Variants in AFG3L2 observed in about 807,000 individuals in gnomAD.
The protein encoded by AFG3L2 is AFG3 like matrix AAA peptidase subunit 2.
In AFG3L2, 54 loss-of-function variants were observed where a neutral mutation model predicts 94.5. The ratio of observed to expected loss-of-function variants is 0.57; its 90% CI spans 0.46 to 0.72. AFG3L2 has a LOEUF of 0.72. AFG3L2 is among the 30% of genes least tolerant of loss of function. The probability of loss-of-function intolerance (pLI) is 0.00; values close to 1 mark genes in which losing one functional copy is unlikely to be tolerated. For synonymous variants in AFG3L2, 377 were observed against 365.5 expected (o/e 1.03, Z -0.36); for missense variants, 754 against 994.9 (o/e 0.76, Z 3.26).
At chr18:12,357,874 C>T (rs1041773317) in intron 8 of AFG3L2, among the ~76,000 whole-genome samples, 2 of 152,180 alleles carry the variant, frequency 1.3e-5, no homozygotes, top group African/African-American at 4.8e-5. Flanking sequence ...GCTGGGATTA[C>T]AGGAGTGAGC....
intron 13 of AFG3L2, among the ~76,000 whole-genome samples, chr18:12,344,537 C>T (rs1230483732): frequency 1.3e-5 from 2 of 151,858 alleles, no homozygotes; most frequent in East Asian, 3.9e-4. Flanking sequence ...AGCCAGGCGT[C>T]GTGGTGAGCG....
At chr18:12,354,536 C>T (rs1908429957) in intron 9 of AFG3L2, among the ~76,000 whole-genome samples, 1 of 152,212 alleles carries the variant, frequency 6.6e-6, no homozygotes, top group Non-Finnish European at 1.5e-5. Context: ...GCATGATGTC[C>T]TCAGTGATTT....
At chr18:12,360,231 C>T (rs1908618119) in intron 6 of AFG3L2, 180 bp from the exon 7 acceptor site, 1 of 623,182 alleles carries the variant, frequency 1.6e-6, no homozygotes, top group Non-Finnish European at 2.7e-6. Flanking sequence ...TCATTGAGAA[C>T]ACTTGGCAAT....
At chr18:12,357,285 T>C (rs1438884411) in intron 8 of AFG3L2, among the ~76,000 whole-genome samples, 4 of 152,224 alleles carry the variant, frequency 2.6e-5, no homozygotes, top group East Asian at 3.9e-4. Context: ...TCTACTTTCA[T>C]GTACAAATCA....
chr18:12,372,049 T>C (rs1226627202), intron 1 of AFG3L2, among the ~76,000 whole-genome samples: 1 of 152,244 alleles, frequency 6.6e-6, no homozygotes, highest in East Asian at 1.9e-4. Flanking sequence ...CTCACACCTG[T>C]AATCCCAGTA....
intron 1 of AFG3L2, among the ~76,000 whole-genome samples, chr18:12,375,319 A>T (rs1598842122): frequency 6.9e-6 from 1 of 145,786 alleles, no homozygotes; most frequent in South Asian, 2.2e-4. Context: ...TGCAATCAAA[A>T]CTCACTGGAG....
chr18:12,345,435 G>C (rs1384051095), intron 13 of AFG3L2, among the ~76,000 whole-genome samples: 1 of 152,248 alleles, frequency 6.6e-6, no homozygotes, highest in Non-Finnish European at 1.5e-5. Context: ...GAATTTCTCA[G>C]CTGATGTTAA....
chr18:12,376,035 C>A (rs946142774), intron 1 of AFG3L2, among the ~76,000 whole-genome samples: 1 of 152,138 alleles, frequency 6.6e-6, no homozygotes, highest in Non-Finnish European at 1.5e-5. Context: ...GCTACCCTAC[C>A]CAAGCTGGTT....
chr18:12,343,758 A>G lies in AFG3L2; in HGVS notation c.1779+374T>C, dbSNP rs376618302. 37 of 285,256 alleles carry G rather than the reference A, an allele frequency of 1.3e-4. No individual in the cohort carries two copies. In the East Asian group the frequency reaches 3.0e-3, roughly 23 times the overall value. 17.7% of individuals were successfully genotyped at this position (285,256 alleles called of 1,614,324 possible). ...TCCAGTATTCTTTAAGTCCTGGACT[A>G]TCTCCTCTACCACCTCAGGATAATA... On this transcript the variant is annotated intron_variant, in intron 14 of 16. Transcript: ENST00000269143.
rs1022175149 is a variant in AFG3L2, at chr18:12,363,820, G to A, written c.589C>T (p.Arg197Ter). The A allele has an allele frequency of 2.5e-6, 4 of 1,613,260 alleles. No homozygotes were observed. The highest frequency in any genetic ancestry group is 2.2e-5 in the East Asian group (1 of 44,864). The change falls in exon 6 of 17, where the codon CGA (arginine) becomes TGA (stop). Residue 197 changes from arginine to a stop codon, truncating the protein, a stop_gained. Transcript: ENST00000269143. LOFTEE classifies it high-confidence loss of function. Reference sequence around the variant, plus strand: ...GTTTTTCCTGGTGTAAAGGTCACTCGAACAAAACGCTTGTTGACGACTTCC... The same window carrying A: ...GTTTTTCCTGGTGTAAAGGTCACTCAAACAAAACGCTTGTTGACGACTTCC... Reference protein sequence around the residue: ...RLEVVNKRFVRVTFTPGKTPV... With the variant: ...RLEVVNKRFV
intron 16 of AFG3L2, 26 bp downstream of exon 16, chr18:12,337,315 G>C: frequency 6.2e-7 from 1 of 1,607,214 alleles, no homozygotes; most frequent in East Asian, 2.2e-5. Context: ...AAACTGTAAA[G>C]AATTATTCCC....
chr18:12,347,478 G>A (rs952273681), intron 13 of AFG3L2, among the ~76,000 whole-genome samples: 7 of 152,272 alleles, frequency 4.6e-5, no homozygotes, highest in South Asian at 2.1e-4. Context: ...CACTGTGTGC[G>A]CTCCCCCTAT....
In AFG3L2 at chr18:12,371,229, G is replaced by A. The variant is rs1489174126; in HGVS notation, c.215-303C>T. Among the ~76,000 whole-genome samples, 8 of 151,190 alleles carry A rather than the reference G, an allele frequency of 5.3e-5. No individual in the cohort carries two copies. The East Asian group carries it at 9.7e-4, about 18-fold the overall frequency. ...CTCGGGAGGCTGAGGCAGGAGAATC[G>A]CTTGAACCCAGAAGGCGGAGGTTGC... is the stretch of plus-strand genomic sequence containing the variant. On this transcript the variant is annotated intron_variant, in intron 2 of 16. Transcript: ENST00000269143.
At chr18:12,371,832 T>TGAGGACTAGGATTACC (rs1281873469) in intron 1 of AFG3L2, 141 bp from the exon 2 acceptor site, 1 of 712,646 alleles carries the variant, frequency 1.4e-6, no homozygotes, top group African/African-American at 1.8e-5. Flanking sequence ...ACTCCCTTAG[T>TGAGGACTAGGATTACC]GAGGACTAGG....
intron 13 of AFG3L2, among the ~76,000 whole-genome samples, chr18:12,346,688 G>A (rs886134132): frequency 1.3e-5 from 2 of 152,142 alleles, no homozygotes; most frequent in African/African-American, 4.8e-5. Flanking sequence ...CAGATCACCT[G>A]AGGTCAGGAG....
intron 2 of AFG3L2, 118 bp downstream of exon 2, chr18:12,371,474 T>A: frequency 1.2e-6 from 1 of 803,840 alleles, no homozygotes; most frequent in Non-Finnish European, 2.1e-6. Context: ...CATTTGAAGA[T>A]GACATATCTT....
chr18:12,374,899 T>C (rs1909095647), intron 1 of AFG3L2, among the ~76,000 whole-genome samples: 2 of 151,632 alleles, frequency 1.3e-5, no homozygotes, highest in Admixed American at 6.6e-5. Flanking sequence ...CTACTAAAAA[T>C]ACAAAATTTA....
intron 16 of AFG3L2, among the ~76,000 whole-genome samples, chr18:12,331,470 T>C (rs1363187574): frequency 2.0e-5 from 3 of 152,228 alleles, no homozygotes; most frequent in African/African-American, 7.2e-5. Context: ...AACTTATCTG[T>C]TAAATTTACT....
intron 7 of AFG3L2, among the ~76,000 whole-genome samples, chr18:12,359,422 CAAAAATAAAAAT>C (rs527897268): frequency 2.2e-3 from 330 of 151,784 alleles, no homozygotes; most frequent in Non-Finnish European, 2.7e-3. Context: ...AGGAATGAAT[CAAAAATAAAAAT>C]AAAAATAAAA....
Sources: allele counts gnomAD v4.1 joint callset (sites outside exome capture counted in the v4.1 genomes callset), GRCh38; gene constraint gnomAD v4.1.1; transcripts MANE v1.5; gene names NCBI Gene and HGNC (gene_info 2026-07-23, HGNC 2026-07-21).